Variants in DNM2 observed in about 807,000 individuals in gnomAD.
The protein encoded by DNM2 is dynamin-2.
Under a neutral mutation model 99.0 loss-of-function variants are expected in DNM2, and 15 were observed. The observed-to-expected ratio is 0.15, with a 90% confidence interval of 0.10 to 0.23. The LOEUF (loss-of-function observed/expected upper bound fraction) is 0.23, where lower values mean the gene tolerates loss of function less well. Among genes scored for constraint, DNM2 ranks in the 10% least tolerant of loss-of-function variants. DNM2 has a pLI of 1.00. For missense variants in DNM2, 742 were observed against 1,189.4 expected (o/e 0.62, Z 5.53); for synonymous variants, 525 against 481.2 (o/e 1.09, Z -1.19).
At chr19:10,728,967 C>T (rs1001170650) in intron 1 of DNM2, among the ~76,000 whole-genome samples, 3 of 147,786 alleles carry the variant, frequency 2.0e-5, no homozygotes, top group African/African-American at 5.0e-5. Flanking sequence ...AGGCTGTATG[C>T]GGTGGTTCAC....
chr19:10,794,812 G>A (rs955436936), intron 8 of DNM2, among the ~76,000 whole-genome samples: 1 of 152,136 alleles, frequency 6.6e-6, no homozygotes, highest in South Asian at 2.1e-4. Flanking sequence ...CATACTGATA[G>A]TCTGAAAAAT....
intron 6 of DNM2, 42 bp downstream of exon 6, chr19:10,783,162 G>A (rs1353005413): frequency 5.0e-6 from 8 of 1,601,668 alleles, no homozygotes; most frequent in Non-Finnish European, 6.8e-6. Flanking sequence ...GGCATAGGCT[G>A]TGCACTGCAC....
At chr19:10,791,149 T>G (rs1222499318) in intron 7 of DNM2, among the ~76,000 whole-genome samples, 1 of 152,082 alleles carries the variant, frequency 6.6e-6, no homozygotes, top group East Asian at 1.9e-4. Context: ...AGTGCACTGG[T>G]GCAATCACGG....
intron 1 of DNM2, among the ~76,000 whole-genome samples, chr19:10,750,804 G>A (rs1380910054): frequency 6.6e-6 from 1 of 151,828 alleles, no homozygotes; most frequent in Non-Finnish European, 1.5e-5. Flanking sequence ...GTGGTGCTGG[G>A]CGCCTGTAAT....
At chr19:10,782,934 C>G (rs532471243) in intron 5 of DNM2, 26 bp from the exon 6 acceptor site, 11 of 1,613,860 alleles carry the variant, frequency 6.8e-6, no homozygotes, top group Middle Eastern at 1.7e-4. Context: ...TAGCTTTGCC[C>G]CTGACCTGAC....
intron 1 of DNM2, among the ~76,000 whole-genome samples, chr19:10,741,551 C>CTTTT (rs561257287): frequency 7.4e-6 from 1 of 135,088 alleles, no homozygotes; most frequent in African/African-American, 2.7e-5. Flanking sequence ...ATATTTCTTT[C>CTTTT]TTTTTTTTTT....
At chr19:10,808,033 C>T (rs2072412583) in intron 13 of DNM2, among the ~76,000 whole-genome samples, 1 of 151,650 alleles carries the variant, frequency 6.6e-6, no homozygotes, top group Admixed American at 6.6e-5. Context: ...ATTCCACCTA[C>T]TCGGGAGGTT....
intron 16 of DNM2, 28 bp from the exon 17 acceptor site, chr19:10,823,760 G>GT (rs1434231554): frequency 6.2e-7 from 1 of 1,602,336 alleles, no homozygotes; most frequent in Non-Finnish European, 8.5e-7. Context: ...GGTCAAGCTT[G>GT]TGCCCCTCCT....
At position 10,786,865 on chromosome 19, in the gene DNM2, G is replaced by A. The variant is rs574722129; in HGVS notation, c.992+159G>A. On this transcript the variant is annotated intron_variant, in intron 7 of 20. Transcript: ENST00000389253. ...CGTGCCAGGCTCCATCCTAAGCATGGCATTCGCCCCAGTGGAGGGGACAGG... is the reference window on the plus strand; with the variant it reads ...CGTGCCAGGCTCCATCCTAAGCATGACATTCGCCCCAGTGGAGGGGACAGG... 33 of 1,448,904 alleles carry A rather than the reference G, an allele frequency of 2.3e-5. No homozygotes were observed. In the South Asian group the frequency reaches 3.1e-4, roughly 13 times the overall value. The allele number at this position is 1,448,904 out of a possible 1,614,324, so 89.8% of individuals were successfully genotyped here.
In DNM2 at chr19:10,817,613, G is replaced by A. The variant is rs1482750276; in HGVS notation, c.1672-2367G>A. 2 of 293,936 alleles carry A rather than the reference G, an allele frequency of 6.8e-6. No homozygotes were observed. The highest frequency in any genetic ancestry group is 2.6e-5 in the South Asian group (1 of 38,388). 18.2% of individuals were successfully genotyped at this position (293,936 alleles called of 1,614,324 possible). On this transcript the variant is annotated intron_variant, in intron 15 of 20. Transcript: ENST00000389253. This position sits in a 1 kb window ranked among gnomAD's most constrained non-coding sequence, Gnocchi z 4.6. ...ACCACCACTCTTCCCGAGACGATCC[G>A]CTCTGTCCCTTCTGACGTGGCAAGG... is the stretch of plus-strand genomic sequence containing the variant.
chr19:10,758,551 CTTCCCTTCT>C (rs1371082047), intron 1 of DNM2, among the ~76,000 whole-genome samples: 2 of 134,598 alleles, frequency 1.5e-5, no homozygotes, highest in African/African-American at 2.9e-5. Flanking sequence ...CCTTCCCTCC[CTTCCCTTCT>C]TTCCTTGATG....
intron 12 of DNM2, among the ~76,000 whole-genome samples, chr19:10,803,982 C>T (rs887865175): frequency 6.6e-6 from 1 of 152,178 alleles, no homozygotes; most frequent in East Asian, 1.9e-4. Context: ...CTGGAGAGAT[C>T]TTCCTGAAGA....
chr19:10,821,066 C>T (rs114163729), intron 16 of DNM2, among the ~76,000 whole-genome samples: 1,568 of 152,244 alleles, frequency 0.01, 22 homozygotes, highest in African/African-American at 0.036. Flanking sequence ...CAGGCACTGA[C>T]GTCCTCCCTG....
chr19:10,744,579 C>T (rs918444742), intron 1 of DNM2, among the ~76,000 whole-genome samples: 4 of 152,086 alleles, frequency 2.6e-5, no homozygotes, highest in Non-Finnish European at 5.9e-5. Flanking sequence ...GGGTGGTGCC[C>T]GGCTGCCTGC....
At chr19:10,815,143 C>G (rs2072690569) in intron 15 of DNM2, among the ~76,000 whole-genome samples, 1 of 152,190 alleles carries the variant, frequency 6.6e-6, no homozygotes, top group African/African-American at 2.4e-5. Context: ...TGCTGCAAGG[C>G]TGTCCAGGGC....
In DNM2 at chr19:10,775,930, C is replaced by G; in HGVS notation, c.589+24C>G. The stretch of plus-strand genomic sequence containing the variant: ...AGGTAACCCTGAGCCTAGGGCAGTC[C>G]CCTCTTCCAGGTGCCTCTGAGCATG... On this transcript the variant is annotated intron_variant, in intron 4 of 20. Transcript: ENST00000389253. This position sits in a 1 kb window ranked among gnomAD's most constrained non-coding sequence, Gnocchi z 4.3. 15 of 1,606,278 alleles carry G rather than the reference C, an allele frequency of 9.3e-6. No homozygotes were observed. The highest frequency in any genetic ancestry group is 1.3e-5 in the Non-Finnish European group (15 of 1,179,794).
chr19:10,768,279 A>C lies in DNM2; in HGVS notation c.236-4200A>C, dbSNP rs190667515. Among the ~76,000 whole-genome samples, 487 of 151,966 alleles carry C rather than the reference A, an allele frequency of 3.2e-3. 1 individual carries two copies. The highest frequency in any genetic ancestry group is 0.011 in the African/African-American group (472 of 41,442). ...TCATCCTGGCTAACACGGTGAAACC[A>C]TGTCTCCACTAAAAATACAAAAAAA... On this transcript the variant is annotated intron_variant, in intron 2 of 20. Coordinates refer to ENST00000389253, the MANE Select transcript of DNM2 (RefSeq NM_001005361.3).
rs778575153 is a variant in DNM2, at chr19:10,796,038, C to T, written c.1196+599C>T. ...GTTTCTCTCTGACTTATCTCCCCTG[C>T]CCCCGGGTCTGGACGGTTTCAGGAC... is the stretch of plus-strand genomic sequence containing the variant. On this transcript the variant is annotated intron_variant, in intron 9 of 20. Coordinates refer to ENST00000389253, the MANE Select transcript of DNM2 (RefSeq NM_001005361.3). The surrounding 1 kb of genome is among the most constrained non-coding windows in gnomAD (Gnocchi z 5.6). The T allele has an allele frequency of 6.6e-5, 107 of 1,612,522 alleles. No individual in the cohort carries two copies. The highest frequency in any genetic ancestry group is 2.0e-4 in the Middle Eastern group (1 of 4,986).
intron 1 of DNM2, among the ~76,000 whole-genome samples, chr19:10,741,658 T>A (rs1427949266): frequency 6.6e-6 from 1 of 151,858 alleles, no homozygotes; most frequent in Non-Finnish European, 1.5e-5. Flanking sequence ...CACGCCATTC[T>A]CCTGCCTCAG....
Sources: allele counts gnomAD v4.1 joint callset (sites outside exome capture counted in the v4.1 genomes callset), GRCh38; gene constraint gnomAD v4.1.1; non-coding constraint Gnocchi (gnomAD v3.1); transcripts MANE v1.5; gene names NCBI Gene and HGNC (gene_info 2026-07-23, HGNC 2026-07-21).